Variants in CSMD1 observed in about 807,000 individuals in gnomAD.
CSMD1 encodes the protein CUB and Sushi multiple domains 1.
In CSMD1, 213 loss-of-function variants were observed where a neutral mutation model predicts 417.5. The ratio of observed to expected loss-of-function variants is 0.51; its 90% CI spans 0.46 to 0.57. The LOEUF (loss-of-function observed/expected upper bound fraction) is 0.57. Ranked by LOEUF, CSMD1 falls within the 20% of genes least tolerant of loss-of-function variation. The pLI is 0.00. For synonymous variants in CSMD1, 2,862 were observed against 1,736.8 expected (o/e 1.65, Z -16.11); for missense variants, 6,923 against 4,529.7 (o/e 1.53, Z -15.17).
intron 3 of CSMD1, among the ~76,000 whole-genome samples, chr8:4,201,650 A>C (rs1257412454): frequency 6.6e-6 from 1 of 151,418 alleles, no homozygotes; most frequent in Non-Finnish European, 1.5e-5. Flanking sequence ...TTTACCCTTG[A>C]CCAAAGTTTT....
chr8:4,200,980 C>A (rs1234104360), intron 3 of CSMD1, among the ~76,000 whole-genome samples: 1 of 152,154 alleles, frequency 6.6e-6, no homozygotes, highest in African/African-American at 2.4e-5. Flanking sequence ...TATTAGTTTA[C>A]TTTTTCTCCA....
chr8:3,719,837 G>A (rs1802048793), intron 6 of CSMD1, among the ~76,000 whole-genome samples: 1 of 152,114 alleles, frequency 6.6e-6, no homozygotes, highest in African/African-American at 2.4e-5. Context: ...CTCACAGTGG[G>A]GATTTTGAAG....
intron 3 of CSMD1, among the ~76,000 whole-genome samples, chr8:4,059,635 C>G (rs936259111): frequency 6.6e-6 from 1 of 152,088 alleles, no homozygotes; most frequent in African/African-American, 2.4e-5. Flanking sequence ...CACAGAAATA[C>G]AAACTGCCAT....
rs193158413 is a variant in CSMD1 at position 4,573,190 on chromosome 8, G to C, written c.302+64152C>G. Reference sequence around the variant, plus strand: ...CAAGGAGTTGTGATCCTTTGGAGGAGAAGAGGCATTCTGGTTTTTGGAATT... The same window carrying C: ...CAAGGAGTTGTGATCCTTTGGAGGACAAGAGGCATTCTGGTTTTTGGAATT... On this transcript the variant is annotated intron_variant, in intron 2 of 69. Coordinates refer to ENST00000635120, the MANE Select transcript of CSMD1 (RefSeq NM_033225.6). Among the ~76,000 whole-genome samples, 398 of 152,282 alleles carry C rather than the reference G, an allele frequency of 2.6e-3. 4 individuals carry two copies. Among genetic ancestry groups the C allele is most frequent in the African/African-American group, 9.4e-3 (391 of 41,570 alleles).
chr8:4,016,528 G>C (rs1230355943), intron 4 of CSMD1, among the ~76,000 whole-genome samples: 1 of 152,076 alleles, frequency 6.6e-6, no homozygotes, highest in Non-Finnish European at 1.5e-5. Flanking sequence ...GAAGGATCTG[G>C]GGCTATGAGA....
At chr8:4,273,859 C>A (rs908681317) in intron 3 of CSMD1, among the ~76,000 whole-genome samples, 4 of 152,158 alleles carry the variant, frequency 2.6e-5, no homozygotes, top group African/African-American at 9.7e-5. Flanking sequence ...ATATAACATA[C>A]TTGCTGTGCT....
In CSMD1 at chr8:4,106,011, G is replaced by T. The variant is rs181979940; in HGVS notation, c.416-73912C>A. On this transcript the variant is annotated intron_variant, in intron 3 of 69. Coordinates refer to ENST00000635120, the MANE Select transcript of CSMD1 (RefSeq NM_033225.6). ...GTAGAGCAGGAGATTGCATCTTCGG[G>T]TGTGCCACCATCTCCACTGCATCAA... Among the ~76,000 whole-genome samples the T allele has an allele frequency of 4.1e-3, 627 of 152,334 alleles. 2 individuals carry two copies. The highest frequency in any genetic ancestry group is 6.1e-3 in the Non-Finnish European group (412 of 68,030).
intron 7 of CSMD1, among the ~76,000 whole-genome samples, chr8:3,678,112 C>A (rs7465527): frequency 0.31 from 46,886 of 151,976 alleles, 8,036 homozygotes; most frequent in Admixed American, 0.43. Flanking sequence ...GTGAGCGACG[C>A]AGAAGACAGG....
chr8:4,975,488 A>G (rs912813400), intron 1 of CSMD1, among the ~76,000 whole-genome samples: 1 of 152,218 alleles, frequency 6.6e-6, no homozygotes, highest in Non-Finnish European at 1.5e-5. Flanking sequence ...AAGTCAAGTT[A>G]TGTCAGGGCT....
chr8:3,137,258 T>A (rs557656323), intron 41 of CSMD1, among the ~76,000 whole-genome samples: 2 of 152,330 alleles, frequency 1.3e-5, no homozygotes, highest in South Asian at 2.1e-4. Flanking sequence ...ATATCCGCAA[T>A]GCGTAGGGAC....
chr8:3,294,905 T>C (rs914736349), intron 25 of CSMD1, among the ~76,000 whole-genome samples: 1 of 152,212 alleles, frequency 6.6e-6, no homozygotes, highest in African/African-American at 2.4e-5. Context: ...TCGCCCGTCT[T>C]CTGCGTCATT....
chr8:3,374,248 C>T (rs7831180), intron 18 of CSMD1, among the ~76,000 whole-genome samples: 46,129 of 151,912 alleles, frequency 0.3, 7,763 homozygotes, highest in African/African-American at 0.47. Context: ...CGTGAGCCAC[C>T]ATGTCCGACC....
chr8:4,045,606 G>C (rs1319502330), intron 3 of CSMD1, among the ~76,000 whole-genome samples: 2 of 152,176 alleles, frequency 1.3e-5, no homozygotes, highest in African/African-American at 2.4e-5. Flanking sequence ...GAATGTTCCT[G>C]CTATTAGCTG....
intron 31 of CSMD1, among the ~76,000 whole-genome samples, chr8:3,204,490 A>G (rs1209172698): frequency 6.6e-6 from 1 of 152,196 alleles, no homozygotes; most frequent in Non-Finnish European, 1.5e-5. Context: ...TAAAATTTGG[A>G]ATCCAGAACC....
At chr8:3,759,157 G>C (rs1408874745) in intron 5 of CSMD1, among the ~76,000 whole-genome samples, 2 of 152,170 alleles carry the variant, frequency 1.3e-5, no homozygotes, top group East Asian at 3.9e-4. Context: ...GTGTTAATTT[G>C]TTATGGTGGC....
chr8:4,470,934 T>C (rs532645423), intron 2 of CSMD1, among the ~76,000 whole-genome samples: 8 of 152,312 alleles, frequency 5.3e-5, no homozygotes, highest in African/African-American at 1.9e-4. Context: ...AATAAGTATT[T>C]TTGGGATTTC....
chr8:4,762,942 C>A (rs1812212950), intron 1 of CSMD1, among the ~76,000 whole-genome samples: 1 of 152,178 alleles, frequency 6.6e-6, no homozygotes, highest in Non-Finnish European at 1.5e-5. Context: ...AAAGTCTAGA[C>A]TGGCTTATAT....
intron 25 of CSMD1, among the ~76,000 whole-genome samples, chr8:3,299,276 AC>A (rs1261351879): frequency 9.2e-5 from 14 of 152,038 alleles, no homozygotes; most frequent in African/African-American, 3.1e-4. Flanking sequence ...ATATGGGGAA[AC>A]CCTGTCTCTA....
intron 36 of CSMD1, 36 bp from the exon 37 acceptor site, chr8:3,181,250 C>T: frequency 7.6e-7 from 1 of 1,316,888 alleles, no homozygotes; most frequent in Non-Finnish European, 1.1e-6. Context: ...TGTAACACTA[C>T]AAATACATTC....
Sources: allele counts gnomAD v4.1 joint callset (sites outside exome capture counted in the v4.1 genomes callset), GRCh38; gene constraint gnomAD v4.1.1; transcripts MANE v1.5; gene names NCBI Gene and HGNC (gene_info 2026-07-23, HGNC 2026-07-21).